SLC9A9: variants seen among roughly 807,000 people sequenced by gnomAD.
SLC9A9 encodes the protein solute carrier family 9 member A9, also known as sodium/hydrogen exchanger 9.
In SLC9A9, 62 loss-of-function variants were observed where a neutral mutation model predicts 77.8. The observed-to-expected ratio is 0.80, with a 90% CI of 0.65 to 0.98. The LOEUF (loss-of-function observed/expected upper bound fraction) is 0.98. Among genes scored for constraint, SLC9A9 ranks in the 50% least tolerant of loss-of-function variants. The probability of loss-of-function intolerance (pLI) is 0.00; values close to 1 mark genes in which losing one functional copy is unlikely to be tolerated. For missense variants in SLC9A9, 775 were observed against 774.9 expected (o/e 1.00, Z 0.00); for synonymous variants, 320 against 283.5 (o/e 1.13, Z -1.29).
At chr3:143,349,221 T>G (rs1477228811) in intron 14 of SLC9A9, among the ~76,000 whole-genome samples, 2 of 152,172 alleles carry the variant, frequency 1.3e-5, no homozygotes, top group Admixed American at 1.3e-4. Context: ...TGGAACAAAG[T>G]AATTTTGCCT....
intron 12 of SLC9A9, among the ~76,000 whole-genome samples, chr3:143,416,838 T>C (rs1011235213): frequency 6.6e-6 from 1 of 152,242 alleles, no homozygotes; most frequent in African/African-American, 2.4e-5. Flanking sequence ...TATGTGTGTA[T>C]ATGTCTACAT....
chr3:143,480,865 C>T (rs944072658), intron 11 of SLC9A9, among the ~76,000 whole-genome samples: 4 of 152,114 alleles, frequency 2.6e-5, no homozygotes, highest in Admixed American at 6.6e-5. Flanking sequence ...TAAGCTTGGA[C>T]AAAGGATTCC....
At chr3:143,537,577 T>C (rs1279723840) in intron 9 of SLC9A9, among the ~76,000 whole-genome samples, 2 of 152,258 alleles carry the variant, frequency 1.3e-5, no homozygotes, top group Non-Finnish European at 2.9e-5. Flanking sequence ...TGGCTACTTA[T>C]TTCTCTTCAA....
intron 8 of SLC9A9, among the ~76,000 whole-genome samples, chr3:143,556,396 C>A (rs1435259445): frequency 3.3e-5 from 5 of 152,230 alleles, no homozygotes; most frequent in Admixed American, 2.0e-4. Flanking sequence ...TTTGCCAGTG[C>A]TGTTGGATCC....
chr3:143,711,211 G>A (rs1053276116), intron 4 of SLC9A9, among the ~76,000 whole-genome samples: 2 of 152,120 alleles, frequency 1.3e-5, no homozygotes, highest in Non-Finnish European at 2.9e-5. Context: ...TGTTTGTGAT[G>A]CATGTAATAC....
At chr3:143,304,675 G>C (rs916182152) in intron 14 of SLC9A9, among the ~76,000 whole-genome samples, 23 of 152,178 alleles carry the variant, frequency 1.5e-4, no homozygotes, top group African/African-American at 5.1e-4. Flanking sequence ...TGCTGATAAG[G>C]CTGATTCTCT....
At chr3:143,480,690 A>G (rs2035558730) in intron 11 of SLC9A9, among the ~76,000 whole-genome samples, 1 of 152,190 alleles carries the variant, frequency 6.6e-6, no homozygotes, top group African/African-American at 2.4e-5. Context: ...GTCTTCTTAA[A>G]TGGAGAAAGT....
At chr3:143,706,162 G>T (rs185141453) in intron 4 of SLC9A9, among the ~76,000 whole-genome samples, 178 of 152,300 alleles carry the variant, frequency 1.2e-3, no homozygotes, top group African/African-American at 4.2e-3. Context: ...ACCGTAGGTG[G>T]TTTCTTTAAA....
Position 143,574,085 on chromosome 3 carries a change from G to T in SLC9A9, c.1000+3C>A. On this transcript the variant is annotated splice_donor_region_variant and intron_variant, in intron 8 of 15. Transcript: ENST00000316549. The stretch of plus-strand genomic sequence containing the variant: ...AGTTGGCTGTGCAGCATGAAGCACT[G>T]ACCTGTTAGGCCGGCAGCCTCGGCA... 2 of 1,612,348 alleles carry T rather than the reference G, an allele frequency of 1.2e-6. No homozygotes were observed. Among genetic ancestry groups the T allele is most frequent in the South Asian group, 2.2e-5 (2 of 90,934 alleles).
intron 12 of SLC9A9, among the ~76,000 whole-genome samples, chr3:143,382,941 A>G (rs550430864): frequency 6.6e-6 from 1 of 152,054 alleles, no homozygotes; most frequent in South Asian, 2.1e-4. Flanking sequence ...GCATTAAAGC[A>G]CTCTTTCTCA....
chr3:143,709,431 T>A (rs1358506111), intron 4 of SLC9A9, among the ~76,000 whole-genome samples: 1 of 152,136 alleles, frequency 6.6e-6, no homozygotes, highest in Non-Finnish European at 1.5e-5. Context: ...CCTGGGATTC[T>A]CCATTTCTAA....
intron 14 of SLC9A9, among the ~76,000 whole-genome samples, chr3:143,269,920 T>G (rs897519241): frequency 6.6e-6 from 1 of 152,116 alleles, no homozygotes; most frequent in Non-Finnish European, 1.5e-5. Flanking sequence ...TCTGGTGGAG[T>G]CCATCCATAG....
intron 1 of SLC9A9, among the ~76,000 whole-genome samples, chr3:143,844,905 G>C (rs2009799788): frequency 1.3e-5 from 2 of 151,674 alleles, no homozygotes; most frequent in African/African-American, 4.9e-5. Flanking sequence ...TTCCCCATTA[G>C]TTATCACCAT....
intron 12 of SLC9A9, among the ~76,000 whole-genome samples, chr3:143,420,948 C>CA (rs1207238000): frequency 1.3e-5 from 2 of 152,038 alleles, no homozygotes; most frequent in Admixed American, 6.6e-5. Context: ...TTTCAGAATA[C>CA]AAAATCAATG....
At chr3:143,397,959 C>A (rs1350649550) in intron 12 of SLC9A9, among the ~76,000 whole-genome samples, 3 of 152,078 alleles carry the variant, frequency 2.0e-5, no homozygotes, top group Non-Finnish European at 4.4e-5. Context: ...TTTAACCCAG[C>A]CAAAGCAAAT....
intron 14 of SLC9A9, among the ~76,000 whole-genome samples, chr3:143,270,481 A>T (rs775957886): frequency 1.3e-4 from 20 of 152,130 alleles, no homozygotes; most frequent in Admixed American, 9.8e-4. Context: ...GGGGAGCTGC[A>T]GACTCAGGCT....
intron 6 of SLC9A9, among the ~76,000 whole-genome samples, chr3:143,636,223 A>T (rs1165874296): frequency 2.0e-5 from 3 of 152,102 alleles, no homozygotes; most frequent in Non-Finnish European, 2.9e-5. Context: ...TACATTTATT[A>T]TTTAATGTTA....
At chr3:143,632,899 C>T (rs1188782122) in intron 6 of SLC9A9, among the ~76,000 whole-genome samples, 10 of 152,144 alleles carry the variant, frequency 6.6e-5, no homozygotes, top group Non-Finnish European at 1.5e-4. Flanking sequence ...CTGGTTAGGC[C>T]TATCCTGTTC....
chr3:143,433,873 A>G (rs1272132798), intron 12 of SLC9A9, among the ~76,000 whole-genome samples: 1 of 152,190 alleles, frequency 6.6e-6, no homozygotes, highest in Non-Finnish European at 1.5e-5. Flanking sequence ...GATGGTTTTG[A>G]AGTATAGATA....
Sources: gnomAD v4.1 joint callset for allele counts (sites outside exome capture counted in the v4.1 genomes callset) on GRCh38, gnomAD v4.1.1 for gene constraint, MANE v1.5 for transcripts, NCBI Gene and HGNC (gene_info 2026-07-23, HGNC 2026-07-21) for gene names.